The following RBFOX1 variants were observed in gnomAD, a reference collection of about 807,000 sequenced individuals.
The protein encoded by RBFOX1 is RNA binding protein fox-1 homolog 1.
RBFOX1 carries 8 observed loss-of-function variants against 57.7 expected under a neutral mutation model. The observed-to-expected ratio is 0.14, with a 90% CI of 0.08 to 0.25. The LOEUF is 0.25. RBFOX1 is among the 10% of genes least tolerant of loss of function. The pLI is 1.00. For missense variants in RBFOX1, 611 were observed against 548.5 expected, an observed-to-expected ratio of 1.11 and a Z score of -1.14; for synonymous variants, 326 against 222.4, an observed-to-expected ratio of 1.47 and a Z score of -4.15.
intron 3 of RBFOX1, among the ~76,000 whole-genome samples, chr16:5,645,529 G>C (rs1207963507): frequency 6.6e-6 from 1 of 152,214 alleles, no homozygotes; most frequent in Non-Finnish European, 1.5e-5. Flanking sequence ...TCACTTTAAA[G>C]TGCTTAATTT....
At chr16:7,207,204 G>A (rs58841608) in intron 4 of RBFOX1, among the ~76,000 whole-genome samples, 2,196 of 152,238 alleles carry the variant, frequency 0.014, 65 homozygotes, top group African/African-American at 0.05. Flanking sequence ...TGTGTCTTCC[G>A]TAGCTGCTCA....
rs370766413 is a variant in RBFOX1 at position 6,577,818 on chromosome 16, AG to A, written c.-63-76783del. On this transcript the variant is annotated intron_variant, in intron 2 of 15. Coordinates refer to ENST00000550418, the MANE Select transcript of RBFOX1 (RefSeq NM_018723.4). ...CCTCCTGTATCCCTACTATGTGCTCAGGAAAAAAATAAACCAGATAGTGAAG... is the reference window on the plus strand; with the variant it reads ...CCTCCTGTATCCCTACTATGTGCTCAGAAAAAAATAAACCAGATAGTGAAG... Among the ~76,000 whole-genome samples, 37 of 152,334 alleles carry A rather than the reference AG, an allele frequency of 2.4e-4. No homozygotes were observed. The East Asian group carries it at 2.7e-3, about 11-fold the overall frequency.
In RBFOX1 at chr16:5,788,314, C is replaced by T. The variant is rs12446922; in HGVS notation, c.319-78989C>T. 1.7e-3 allele frequency among the ~76,000 whole-genome samples: 258 copies of T among 152,246 alleles called. 1 individual carries two copies. The highest frequency in any genetic ancestry group is 2.8e-3 in the Admixed American group (43 of 15,286). ...TGCTGTCCTTATTGGAGACATTTAGCGCAACAAAAGCGTCTTTTGAAGGAA... is the reference window on the plus strand; with the variant it reads ...TGCTGTCCTTATTGGAGACATTTAGTGCAACAAAAGCGTCTTTTGAAGGAA... On this transcript the variant is annotated intron_variant, in intron 3 of 19. Transcript: ENST00000641259.
At chr16:7,201,314 C>G (rs912588524) in intron 4 of RBFOX1, among the ~76,000 whole-genome samples, 4 of 152,076 alleles carry the variant, frequency 2.6e-5, no homozygotes, top group African/African-American at 7.2e-5. Context: ...GGTGAAGTCA[C>G]CAGCTGAGGT....
chr16:7,653,358 C>T (rs2065508687), intron 11 of RBFOX1, among the ~76,000 whole-genome samples: 1 of 152,066 alleles, frequency 6.6e-6, no homozygotes, highest in Non-Finnish European at 1.5e-5. Flanking sequence ...AAAAATTAGC[C>T]AGGTGTGGTA....
At chr16:5,761,558 T>G (rs565278202) in intron 3 of RBFOX1, among the ~76,000 whole-genome samples, 25 of 152,216 alleles carry the variant, frequency 1.6e-4, no homozygotes, top group African/African-American at 6.0e-4. Flanking sequence ...TGGCAGCAGG[T>G]AGGAGAGCTT....
At chr16:6,956,670 T>C (rs551674234) in intron 3 of RBFOX1, among the ~76,000 whole-genome samples, 2 of 152,224 alleles carry the variant, frequency 1.3e-5, no homozygotes, top group Non-Finnish European at 2.9e-5. Context: ...GCTCCAGTTA[T>C]CTATTGCATC....
chr16:7,159,049 C>A (rs1264529532), intron 4 of RBFOX1, among the ~76,000 whole-genome samples: 1 of 151,910 alleles, frequency 6.6e-6, no homozygotes, highest in Non-Finnish European at 1.5e-5. Context: ...TGCTGGCAAC[C>A]ACTAACCTGT....
At chr16:6,788,177 G>A (rs558473636) in intron 3 of RBFOX1, among the ~76,000 whole-genome samples, 8 of 152,102 alleles carry the variant, frequency 5.3e-5, no homozygotes, top group African/African-American at 9.7e-5. Context: ...AGCTGAGATC[G>A]TGCCAGTGCA....
intron 4 of RBFOX1, among the ~76,000 whole-genome samples, chr16:7,457,883 A>G (rs188801147): frequency 3.3e-5 from 5 of 152,040 alleles, no homozygotes; most frequent in Admixed American, 2.0e-4. Context: ...CCCCTCCCCA[A>G]TACTCTAATG....
intron 1 of RBFOX1, among the ~76,000 whole-genome samples, chr16:6,109,483 T>G (rs1289642711): frequency 6.6e-6 from 1 of 152,204 alleles, no homozygotes; most frequent in African/African-American, 2.4e-5. Flanking sequence ...TCATGAGGCA[T>G]AATATAGTTA....
At chr16:6,574,414 C>A (rs1008150828) in intron 2 of RBFOX1, among the ~76,000 whole-genome samples, 2 of 144,044 alleles carry the variant, frequency 1.4e-5, no homozygotes, top group Non-Finnish European at 3.0e-5. Flanking sequence ...GGTTTCTGTC[C>A]GTATCTTCTA....
chr16:5,628,953 A>G (rs1164716531), intron 3 of RBFOX1, among the ~76,000 whole-genome samples: 1 of 152,224 alleles, frequency 6.6e-6, no homozygotes, highest in African/African-American at 2.4e-5. Flanking sequence ...ATAGCAAGTT[A>G]TGGCTGATGC....
At chr16:5,346,965 T>G (rs1264319244) in intron 1 of RBFOX1, among the ~76,000 whole-genome samples, 1 of 152,188 alleles carries the variant, frequency 6.6e-6, no homozygotes, top group East Asian at 1.9e-4. Flanking sequence ...GATATCTGGC[T>G]TTTGCATTGG....
intron 3 of RBFOX1, among the ~76,000 whole-genome samples, chr16:6,678,415 C>T (rs1429755266): frequency 6.6e-6 from 1 of 151,932 alleles, no homozygotes; most frequent in Non-Finnish European, 1.5e-5. Context: ...TGAGCCGCTG[C>T]ACCTGGCCAA....
At chr16:6,601,887 C>T (rs2097857631) in intron 2 of RBFOX1, among the ~76,000 whole-genome samples, 2 of 152,114 alleles carry the variant, frequency 1.3e-5, no homozygotes, top group Non-Finnish European at 1.5e-5. Flanking sequence ...GGGTTAGAGT[C>T]ACAGTTTGTG....
Position 5,459,361 on chromosome 16 carries a change from G to A in RBFOX1, c.220-7855G>A, listed in dbSNP as rs765950985. 1.6e-4 allele frequency among the ~76,000 whole-genome samples: 24 copies of A among 152,126 alleles called. 1 individual carries two copies. The highest frequency in any genetic ancestry group is 1.6e-3 in the Admixed American group (24 of 15,276). On this transcript the variant is annotated intron_variant, in intron 1 of 2. Transcript: ENST00000585867. Reference sequence around the variant, plus strand: ...TGACTGCATCCCATGCAGTGTGGTGGGTTTTGTGGGACCCCAGGTGGATTT... The same window carrying A: ...TGACTGCATCCCATGCAGTGTGGTGAGTTTTGTGGGACCCCAGGTGGATTT...
chr16:7,404,667 A>C (rs1198062340), intron 4 of RBFOX1, among the ~76,000 whole-genome samples: 2 of 152,128 alleles, frequency 1.3e-5, no homozygotes, highest in Non-Finnish European at 2.9e-5. Context: ...GGAAATAGGT[A>C]GCAAGTCTGT....
intron 3 of RBFOX1, among the ~76,000 whole-genome samples, chr16:6,684,156 G>C (rs2059082866): frequency 6.6e-6 from 1 of 152,104 alleles, no homozygotes; most frequent in Non-Finnish European, 1.5e-5. Context: ...TTTATGGTTC[G>C]ACTTTAGGAT....
Sources: allele counts gnomAD v4.1 joint callset (sites outside exome capture counted in the v4.1 genomes callset), GRCh38; gene constraint gnomAD v4.1.1; transcripts MANE v1.5; gene names NCBI Gene and HGNC (gene_info 2026-07-23, HGNC 2026-07-21).